Variants in STYX observed in about 807,000 individuals in gnomAD.
The protein encoded by STYX is serine/threonine/tyrosine interacting protein.
Under a neutral mutation model 42.7 loss-of-function variants are expected in STYX, and 20 were observed. The observed-to-expected ratio is 0.47, with a 90% CI of 0.33 to 0.68. STYX has a LOEUF of 0.68. STYX is among the 30% of genes least tolerant of loss of function. The pLI, the probability that STYX is intolerant of heterozygous loss-of-function variation, is 0.02. For synonymous variants in STYX, 78 were observed against 81.9 expected, an observed-to-expected ratio of 0.95 and a Z score of 0.26; for missense variants, 226 against 268.5, an observed-to-expected ratio of 0.84 and a Z score of 1.11.
At chr14:52,752,920 AC>A (rs1881686706) in intron 4 of STYX, among the ~76,000 whole-genome samples, 1 of 130,324 alleles carries the variant, frequency 7.7e-6, no homozygotes, top group African/African-American at 2.9e-5. Flanking sequence ...TCACTCTGTC[AC>A]CCAGGCTGGA....
At chr14:52,767,782 C>T (rs901094216) in intron 9 of STYX, among the ~76,000 whole-genome samples, 3 of 152,136 alleles carry the variant, frequency 2.0e-5, no homozygotes, top group African/African-American at 7.2e-5. Context: ...AATCCTTACC[C>T]ATGCCAATGA....
At chr14:52,742,374 C>T (rs766159748) in intron 1 of STYX, among the ~76,000 whole-genome samples, 1 of 152,106 alleles carries the variant, frequency 6.6e-6, no homozygotes, top group East Asian at 1.9e-4. Context: ...TTTACAAGTA[C>T]GTTTCCACTT....
chr14:52,739,632 CTTTT>C (rs58454717), intron 1 of STYX, among the ~76,000 whole-genome samples: 3 of 65,730 alleles, frequency 4.6e-5, no homozygotes, highest in African/African-American at 1.9e-4. Flanking sequence ...TCCTTTCTTT[CTTTT>C]TTTTTTTTTT....
At chr14:52,767,947 C>T (rs1882373866) in intron 9 of STYX, among the ~76,000 whole-genome samples, 1 of 152,162 alleles carries the variant, frequency 6.6e-6, no homozygotes, top group Non-Finnish European at 1.5e-5. Flanking sequence ...AATTTCACTT[C>T]CGCCTTACCA....
At chr14:52,740,618 A>G (rs986616145) in intron 1 of STYX, among the ~76,000 whole-genome samples, 3 of 152,200 alleles carry the variant, frequency 2.0e-5, no homozygotes, top group Non-Finnish European at 4.4e-5. Context: ...CCGAGCATAT[A>G]TTCTTAATTA....
chr14:52,745,587 T>A (rs1881365244), intron 2 of STYX, among the ~76,000 whole-genome samples: 1 of 152,260 alleles, frequency 6.6e-6, no homozygotes, highest in Non-Finnish European at 1.5e-5. Flanking sequence ...CGATTTTTAA[T>A]CAACTTCCAC....
chr14:52,765,037 G>C (rs1003339952), intron 9 of STYX, among the ~76,000 whole-genome samples: 1 of 151,782 alleles, frequency 6.6e-6, no homozygotes, highest in African/African-American at 2.4e-5. Flanking sequence ...TTAAACTCTT[G>C]GACTTTATTA....
At chr14:52,757,804 T>A in intron 7 of STYX, 22 bp downstream of exon 7, 1 of 1,613,244 alleles carries the variant, frequency 6.2e-7, no homozygotes, top group Non-Finnish European at 8.5e-7. Flanking sequence ...GAAATAATCT[T>A]TCTTTCTATA....
rs1355436613 is a variant in STYX, at chr14:52,771,484, T to C, written c.*378T>C. ...AAAATGCAAGTATGGGGGGATTGTT[T>C]ATAAAGTTTGGGTAATTTATAACAA... On this transcript the variant is annotated 3_prime_UTR_variant, in exon 11 of 11. Coordinates refer to ENST00000354586, the MANE Select transcript of STYX (RefSeq NM_145251.4). The C allele has an allele frequency of 6.4e-6, 1 of 157,326 alleles. No individual in the cohort carries two copies. Among genetic ancestry groups the C allele is most frequent in the Admixed American group, 6.5e-5 (1 of 15,406 alleles). The allele number at this position is 157,326 out of a possible 1,614,324, so 9.7% of individuals were successfully genotyped here. A position where few individuals can be genotyped will look rare whatever the true frequency, so the allele number is the denominator to read the frequency against.
At position 52,750,663 on chromosome 14, in the gene STYX, C is replaced by CA; in HGVS notation, c.145-20_145-19insA. ...AATATTTATCTTCCCTGTCCTCCCC[C>CA]TGCTTTTTTTTTTATACAGCTACCT... On this transcript the variant is annotated intron_variant, in intron 3 of 10. Transcript: ENST00000354586. 1 of 1,444,066 alleles carries CA rather than the reference C, an allele frequency of 6.9e-7. No individual in the cohort carries two copies. Among genetic ancestry groups the CA allele is most frequent in the Non-Finnish European group, 9.4e-7 (1 of 1,058,250 alleles). The allele number at this position is 1,444,066 out of a possible 1,614,324, so 89.5% of individuals were successfully genotyped here.
At chr14:52,739,632 C>CTTTTT (rs58454717) in intron 1 of STYX, among the ~76,000 whole-genome samples, 322 of 65,724 alleles carry the variant, frequency 4.9e-3, no homozygotes, top group African/African-American at 7.2e-3. Flanking sequence ...TCCTTTCTTT[C>CTTTTT]TTTTTTTTTT....
chr14:52,760,046 T>A (rs1882029679), intron 9 of STYX, among the ~76,000 whole-genome samples: 1 of 151,584 alleles, frequency 6.6e-6, no homozygotes, highest in Non-Finnish European at 1.5e-5. Context: ...AAATAAAAAA[T>A]TAAAAAAAAA....
chr14:52,770,652 A>G (rs1320660700), intron 10 of STYX, among the ~76,000 whole-genome samples: 1 of 152,140 alleles, frequency 6.6e-6, no homozygotes, highest in Non-Finnish European at 1.5e-5. Flanking sequence ...ACAAAAAATT[A>G]TACAAATACA....
chr14:52,733,992 A>C (rs983772674), intron 1 of STYX, among the ~76,000 whole-genome samples: 1 of 152,044 alleles, frequency 6.6e-6, no homozygotes. Context: ...ACCTCATGTA[A>C]ATGAAGAGGT....
chr14:52,761,585 T>C (rs1043821869), intron 9 of STYX, among the ~76,000 whole-genome samples: 1 of 148,548 alleles, frequency 6.7e-6, no homozygotes, highest in African/African-American at 2.5e-5. Context: ...TTTTTTTTTT[T>C]TGAGATGGAG....
intron 4 of STYX, among the ~76,000 whole-genome samples, chr14:52,752,661 T>C (rs994097009): frequency 2.6e-5 from 4 of 152,034 alleles, no homozygotes; most frequent in Non-Finnish European, 5.9e-5. Context: ...ATTACATGAA[T>C]AAAGCAGGGT....
chr14:52,744,239 G>A (rs967018297), intron 1 of STYX, among the ~76,000 whole-genome samples: 2 of 151,702 alleles, frequency 1.3e-5, no homozygotes, highest in Non-Finnish European at 2.9e-5. Context: ...CTTTATATTG[G>A]TCTGCATTCC....
At chr14:52,735,535 T>C (rs903622712) in intron 1 of STYX, among the ~76,000 whole-genome samples, 11 of 152,142 alleles carry the variant, frequency 7.2e-5, no homozygotes, top group Admixed American at 2.6e-4. Context: ...GCCACATAAA[T>C]AAACTATTAA....
chr14:52,762,260 A>T (rs1445175507), intron 9 of STYX, among the ~76,000 whole-genome samples: 1 of 152,096 alleles, frequency 6.6e-6, no homozygotes, highest in Non-Finnish European at 1.5e-5. Context: ...TATATTATGG[A>T]AATCTATTTA....
Sources: allele counts gnomAD v4.1 joint callset (sites outside exome capture counted in the v4.1 genomes callset), GRCh38; gene constraint gnomAD v4.1.1; transcripts MANE v1.5; gene names NCBI Gene and HGNC (gene_info 2026-07-23, HGNC 2026-07-21).